EPCAM: variants seen among roughly 807,000 people sequenced by gnomAD.
EPCAM encodes epithelial cell adhesion molecule.
Under a neutral mutation model 40.0 loss-of-function variants are expected in EPCAM, and 39 were observed. That is an observed-to-expected ratio of 0.98 (90% CI 0.76 to 1.27). The LOEUF (loss-of-function observed/expected upper bound fraction) is 1.27. Among genes scored for constraint, EPCAM ranks in the 50% most tolerant of loss-of-function variants. EPCAM has a pLI of 0.00. For synonymous variants in EPCAM, 168 were observed against 132.3 expected, an observed-to-expected ratio of 1.27 and a Z score of -1.85; for missense variants, 503 against 381.2, an observed-to-expected ratio of 1.32 and a Z score of -2.66.
At chr2:47,377,753 A>G (rs1379062682) in intron 5 of EPCAM, 1 of 461,296 alleles carries the variant, frequency 2.2e-6, no homozygotes, top group East Asian at 7.3e-5. Flanking sequence ...TTACTTTAGG[A>G]TGTTACTGGA....
intron 8 of EPCAM, among the ~76,000 whole-genome samples, chr2:47,385,419 T>C (rs986950875): frequency 1.3e-5 from 2 of 152,094 alleles, no homozygotes; most frequent in East Asian, 1.9e-4. Context: ...TTCTGCCTCA[T>C]AGAAGAGTGG....
intron 7 of EPCAM, among the ~76,000 whole-genome samples, chr2:47,384,191 C>T (rs1248533155): frequency 6.6e-6 from 1 of 151,126 alleles, no homozygotes; most frequent in Admixed American, 6.6e-5. Flanking sequence ...GCAACCTCTG[C>T]CCCCCAGGTT....
In EPCAM at chr2:47,369,430, G is replaced by A; in HGVS notation, c.-76G>A. 2 of 1,317,230 alleles carry A rather than the reference G, an allele frequency of 1.5e-6. No homozygotes were observed. The highest frequency in any genetic ancestry group is 3.0e-5 in the East Asian group (1 of 32,900). The allele number at this position is 1,317,230 out of a possible 1,614,324, so 81.6% of individuals were successfully genotyped here. ...CCTCGCGCTGCCCGGCCGGCTCCTCGTGTCCCACTCCCGGCGCACGCCCTC... is the reference window on the plus strand; with the variant it reads ...CCTCGCGCTGCCCGGCCGGCTCCTCATGTCCCACTCCCGGCGCACGCCCTC... On this transcript the variant is annotated 5_prime_UTR_variant, in exon 1 of 9. The change creates a new upstream start codon in the 5' untranslated region. Transcript: ENST00000263735.
chr2:47,379,104 C>A (rs755461216), intron 6 of EPCAM, 50 bp downstream of exon 6: 1 of 962,864 alleles, frequency 1.0e-6, no homozygotes, highest in Non-Finnish European at 1.7e-6. Flanking sequence ...GTCTATCATG[C>A]CTCAATGAAT....
chr2:47,373,026 C>T (rs573120718), intron 1 of EPCAM, among the ~76,000 whole-genome samples: 6 of 150,944 alleles, frequency 4.0e-5, no homozygotes, highest in South Asian at 2.1e-4. Flanking sequence ...GGCAACATGG[C>T]GAAACCCCGT....
chr2:47,373,741 A>T (rs1207702792), intron 2 of EPCAM, 67 bp from the exon 3 acceptor site: 2 of 1,599,988 alleles, frequency 1.3e-6, no homozygotes, highest in Non-Finnish European at 1.7e-6. Flanking sequence ...CTTTAGAGTT[A>T]ATTTTTTTTT....
intron 1 of EPCAM, among the ~76,000 whole-genome samples, chr2:47,371,307 C>G (rs1417674395): frequency 6.6e-6 from 1 of 152,036 alleles, no homozygotes; most frequent in Non-Finnish European, 1.5e-5. Context: ...GTCGTTCAGC[C>G]TGGAGTGCAG....
At chr2:47,379,593 T>C (rs1671523694) in intron 6 of EPCAM, among the ~76,000 whole-genome samples, 176 bp from the exon 7 acceptor site, 1 of 152,190 alleles carries the variant, frequency 6.6e-6, no homozygotes, top group African/African-American at 2.4e-5. Flanking sequence ...TTCGTGTATG[T>C]TGAAAGGTTC....
chr2:47,384,683 A>AC (rs1671691687), intron 7 of EPCAM, among the ~76,000 whole-genome samples: 1 of 151,466 alleles, frequency 6.6e-6, no homozygotes, highest in Admixed American at 6.6e-5. Context: ...CCCACAAAGT[A>AC]CCGGTGAGCC....
At chr2:47,380,437 CTTT>C (rs1030395903) in intron 7 of EPCAM, among the ~76,000 whole-genome samples, 17 of 152,162 alleles carry the variant, frequency 1.1e-4, no homozygotes, top group African/African-American at 3.9e-4. Flanking sequence ...TCTCTGGTCT[CTTT>C]TTACAAAAGT....
At chr2:47,382,249 G>T (rs1033286828) in intron 7 of EPCAM, among the ~76,000 whole-genome samples, 1 of 152,156 alleles carries the variant, frequency 6.6e-6, no homozygotes, top group Non-Finnish European at 1.5e-5. Context: ...AATGACAACA[G>T]GTAGGGATAG....
rs546921694 is a variant in EPCAM, at chr2:47,376,955, T to C, written c.492-59T>C. 8.7e-6 allele frequency: 10 copies of C among 1,143,122 alleles called. No individual in the cohort carries two copies. The South Asian group carries it at 9.8e-5, about 11-fold the overall frequency. The allele number at this position is 1,143,122 out of a possible 1,614,324, so 70.8% of individuals were successfully genotyped here. A position where few individuals can be genotyped will look rare whatever the true frequency, so the allele number is the denominator to read the frequency against. On this transcript the variant is annotated intron_variant, in intron 4 of 8. Transcript: ENST00000263735. ...GAGCTGTCTGCTTAAAGAGTAGTGC[T>C]TCTTACTGTTGTGTGGTACAAACAT...
intron 1 of EPCAM, among the ~76,000 whole-genome samples, chr2:47,370,022 C>G (rs1223950064): frequency 2.0e-5 from 3 of 152,188 alleles, no homozygotes; most frequent in Admixed American, 6.5e-5. Context: ...CAGCGGGCCC[C>G]GGATGTGGGC....
At chr2:47,376,479 C>T (rs1466145464) in intron 4 of EPCAM, among the ~76,000 whole-genome samples, 1 of 152,064 alleles carries the variant, frequency 6.6e-6, no homozygotes, top group Non-Finnish European at 1.5e-5. Flanking sequence ...AGGCTGGTCT[C>T]GAACTCCCAA....
At chr2:47,386,470 C>A in intron 8 of EPCAM, 102 bp from the exon 9 acceptor site, 1 of 875,296 alleles carries the variant, frequency 1.1e-6, no homozygotes, top group Non-Finnish European at 1.8e-6. Context: ...AAAAAATTAT[C>A]TTGTGTTCCT....
intron 3 of EPCAM, 83 bp downstream of exon 3, chr2:47,374,131 T>A: frequency 6.6e-7 from 1 of 1,505,522 alleles, no homozygotes; most frequent in Non-Finnish European, 9.1e-7. Flanking sequence ...GTAATATGAT[T>A]TCATGGTTTA....
chr2:47,372,957 G>C (rs1278363832), intron 1 of EPCAM, among the ~76,000 whole-genome samples: 2 of 151,982 alleles, frequency 1.3e-5, no homozygotes, highest in Admixed American at 6.6e-5. Flanking sequence ...TGTAATCCCA[G>C]CACTTTGGGA....
At chr2:47,370,724 TTTA>T (rs140671324) in intron 1 of EPCAM, among the ~76,000 whole-genome samples, 6,765 of 151,528 alleles carry the variant, frequency 0.045, 484 homozygotes, top group African/African-American at 0.15. Flanking sequence ...GTATTTATTA[TTTA>T]TTATTATTAT....
chr2:47,378,904 A>G (rs1442853174), intron 5 of EPCAM, 49 bp from the exon 6 acceptor site: 1 of 845,150 alleles, frequency 1.2e-6, no homozygotes, highest in Non-Finnish European at 2.0e-6. Flanking sequence ...TTTTCAAATG[A>G]TTTTGATTAT....
Sources: allele counts gnomAD v4.1 joint callset (sites outside exome capture counted in the v4.1 genomes callset), GRCh38; gene constraint gnomAD v4.1.1; transcripts MANE v1.5; gene names NCBI Gene and HGNC (gene_info 2026-07-23, HGNC 2026-07-21).